The following GLIS3 variants were observed in gnomAD, a reference collection of about 807,000 sequenced individuals.
GLIS3 encodes the protein zinc finger protein GLIS3.
GLIS3 carries 53 observed loss-of-function variants against 78.6 expected under a neutral mutation model. The ratio of observed to expected loss-of-function variants is 0.67; its 90% CI spans 0.54 to 0.85. GLIS3 has a LOEUF of 0.85. GLIS3 is among the 40% of genes least tolerant of loss of function. The probability of loss-of-function intolerance (pLI) is 0.00; values close to 1 mark genes in which losing one functional copy is unlikely to be tolerated. For synonymous variants in GLIS3, 684 were observed against 509.9 expected (o/e 1.34, Z -4.60); for missense variants, 1,703 against 1,231.1 (o/e 1.38, Z -5.74).
intron 4 of GLIS3, among the ~76,000 whole-genome samples, chr9:4,078,742 ACT>A (rs1828290656): frequency 6.6e-6 from 1 of 151,974 alleles, no homozygotes; most frequent in African/African-American, 2.4e-5. Context: ...TGGCTATAAA[ACT>A]CTGCCCTAGC....
At chr9:3,869,133 A>G (rs1322403885) in intron 8 of GLIS3, among the ~76,000 whole-genome samples, 1 of 152,242 alleles carries the variant, frequency 6.6e-6, no homozygotes, top group Admixed American at 6.5e-5. Context: ...CCAGCGAAAG[A>G]CAATAAACAA....
At chr9:4,193,414 A>G (rs1818509903) in intron 2 of GLIS3, among the ~76,000 whole-genome samples, 1 of 152,250 alleles carries the variant, frequency 6.6e-6, no homozygotes, top group Non-Finnish European at 1.5e-5. Flanking sequence ...TGGCCTAAGA[A>G]GTCTATAATT....
intron 4 of GLIS3, among the ~76,000 whole-genome samples, chr9:4,014,734 C>G (rs1213290904): frequency 1.3e-5 from 2 of 152,290 alleles, no homozygotes; most frequent in African/African-American, 4.8e-5. Flanking sequence ...TTTGTTAGGG[C>G]AGCCACAGGA....
At position 4,040,969 on chromosome 9, in the gene GLIS3, TC is replaced by T. The variant is rs548368617; in HGVS notation, c.1710+76798del. Reference sequence around the variant, plus strand: ...CCAGACCCAGGGAAGGAGAAAGATTTCTTTCTCAACATTCTAATCCTGTCCC... The same window carrying T: ...CCAGACCCAGGGAAGGAGAAAGATTTTTTCTCAACATTCTAATCCTGTCCC... On this transcript the variant is annotated intron_variant, in intron 4 of 10. Coordinates refer to ENST00000381971, the MANE Select transcript of GLIS3 (RefSeq NM_001042413.2). Among the ~76,000 whole-genome samples, 91 of 152,296 alleles carry T rather than the reference TC, an allele frequency of 6.0e-4. 1 individual carries two copies. Among genetic ancestry groups the T allele is most frequent in the Admixed American group, 1.7e-3 (26 of 15,294 alleles).
At chr9:4,371,037 T>C in the GLIS3 span, among the ~76,000 whole-genome samples, 2 of 152,248 alleles carry the variant, frequency 1.3e-5, no homozygotes, top group African/African-American at 2.4e-5. Context: ...GGTAGAATTA[T>C]ACTTTCCTTG....
At chr9:3,845,193 A>T (rs1252085409) in intron 9 of GLIS3, among the ~76,000 whole-genome samples, 1 of 152,236 alleles carries the variant, frequency 6.6e-6, no homozygotes, top group Non-Finnish European at 1.5e-5. Context: ...AATGATTTAA[A>T]AAATGATGAC....
chr9:4,401,919 C>A, the GLIS3 span, among the ~76,000 whole-genome samples: 1 of 152,072 alleles, frequency 6.6e-6, no homozygotes, highest in East Asian at 1.9e-4. Flanking sequence ...AAAGCAGAGG[C>A]AAGAGCGGGA....
chr9:4,398,526 C>T, the GLIS3 span, among the ~76,000 whole-genome samples: 1 of 151,908 alleles, frequency 6.6e-6, no homozygotes, highest in African/African-American at 2.4e-5. Context: ...AGAACATTGC[C>T]TCCTTCTTCT....
intron 7 of GLIS3, among the ~76,000 whole-genome samples, chr9:3,881,042 C>G (rs1473495437): frequency 6.6e-6 from 1 of 152,196 alleles, no homozygotes; most frequent in African/African-American, 2.4e-5. Context: ...TGCAAACTCA[C>G]TAGAGTCACC....
the GLIS3 span, among the ~76,000 whole-genome samples, chr9:4,376,550 G>C: frequency 2.0e-4 from 27 of 134,858 alleles, 5 homozygotes; most frequent in East Asian, 6.7e-4. Flanking sequence ...CCTGACTTTT[G>C]TAAGTCATTA....
At chr9:3,951,885 C>G (rs1035482646) in intron 4 of GLIS3, among the ~76,000 whole-genome samples, 1 of 147,086 alleles carries the variant, frequency 6.8e-6, no homozygotes, top group Non-Finnish European at 1.5e-5. Flanking sequence ...CACACACACA[C>G]GCACGCACAC....
rs761034686 is a variant in GLIS3 at position 4,165,591 on chromosome 9, C to A, written c.389-39650G>T. On this transcript the variant is annotated intron_variant, in intron 2 of 10. Coordinates refer to ENST00000381971, the MANE Select transcript of GLIS3 (RefSeq NM_001042413.2). ...ACATAAAGCTACACTCCGAGTTTCA[C>A]TGCAGCAGAATCAGGAAGGCTTCCA... 9.2e-5 allele frequency among the ~76,000 whole-genome samples: 14 copies of A among 152,238 alleles called. 1 individual carries two copies. The highest frequency in any genetic ancestry group is 1.9e-4 in the East Asian group (1 of 5,206).
the GLIS3 span, among the ~76,000 whole-genome samples, chr9:4,450,851 A>C: frequency 1.3e-5 from 2 of 152,224 alleles, no homozygotes; most frequent in African/African-American, 2.4e-5. Flanking sequence ...TGAAGGAAGC[A>C]CTAAACATGG....
rs1400623182 is a variant in GLIS3, at chr9:4,319,532, C to CA, written n.265-9005dup. The stretch of plus-strand genomic sequence containing the variant: ...TGTTTTGGTAAAATCCAAATACTAA[C>CA]ACTTTTTTTTTTCTAGAAACAGGTT... On this transcript the variant is annotated intron_variant and non_coding_transcript_variant, in intron 2 of 4. Transcript: ENST00000471664. Among the ~76,000 whole-genome samples the CA allele has an allele frequency of 4.6e-5, 6 of 131,236 alleles. No individual in the cohort carries two copies. The South Asian group carries it at 1.1e-3, about 23-fold the overall frequency. The allele number at this position is 131,236 out of a possible 152,430, so 86.1% of individuals were successfully genotyped here. A position where few individuals can be genotyped will look rare whatever the true frequency, so the allele number is the denominator to read the frequency against.
intron 2 of GLIS3, among the ~76,000 whole-genome samples, chr9:4,237,601 C>A (rs376171799): frequency 2.0e-5 from 3 of 152,264 alleles, no homozygotes; most frequent in African/African-American, 4.8e-5. Flanking sequence ...ACTTTCATTA[C>A]CAAATTCTGT....
rs1342143849 is a variant in GLIS3, at chr9:4,290,833, CAT to C, written c.-98-4312_-98-4311del. On this transcript the variant is annotated intron_variant, in intron 1 of 10. Transcript: ENST00000381971. ...AATTTTAACCAGAGGAAAGTGCAAA[CAT>C]GTGCCTGTGAAACTGGAGGATATTA... is the stretch of plus-strand genomic sequence containing the variant. Among the ~76,000 whole-genome samples the C allele has an allele frequency of 3.3e-5, 5 of 152,232 alleles. No individual in the cohort carries two copies. The East Asian group carries it at 9.6e-4, about 29-fold the overall frequency.
chr9:4,169,519 T>A (rs1816181733), intron 2 of GLIS3, among the ~76,000 whole-genome samples: 1 of 152,208 alleles, frequency 6.6e-6, no homozygotes, highest in Non-Finnish European at 1.5e-5. Flanking sequence ...CAGTATTTTC[T>A]TTTGCTACAA....
At chr9:4,077,693 G>A (rs577187161) in intron 4 of GLIS3, among the ~76,000 whole-genome samples, 8 of 152,172 alleles carry the variant, frequency 5.3e-5, no homozygotes, top group South Asian at 4.1e-4. Flanking sequence ...AACAGGGGGC[G>A]CGGGGGGGTA....
chr9:3,990,980 G>A (rs1820187357), intron 4 of GLIS3, among the ~76,000 whole-genome samples: 1 of 152,102 alleles, frequency 6.6e-6, no homozygotes, highest in African/African-American at 2.4e-5. Context: ...TGTTTAGCCA[G>A]GAATCAGATT....
Sources: allele counts gnomAD v4.1 joint callset (sites outside exome capture counted in the v4.1 genomes callset), GRCh38; gene constraint gnomAD v4.1.1; transcripts MANE v1.5; gene names NCBI Gene and HGNC (gene_info 2026-07-23, HGNC 2026-07-21).